The following FAT1 variants were observed in gnomAD, a reference collection of about 807,000 sequenced individuals.
FAT1 encodes FAT atypical cadherin 1, also known as protocadherin Fat 1.
A neutral mutation model predicts 329.8 loss-of-function variants in FAT1; 171 were observed. That is an observed-to-expected ratio of 0.52 (90% CI 0.46 to 0.59). The LOEUF (loss-of-function observed/expected upper bound fraction) is 0.59. FAT1 is among the 20% of genes least tolerant of loss of function. The pLI, the probability that FAT1 is intolerant of heterozygous loss-of-function variation, is 0.00. For synonymous variants in FAT1, 2,233 were observed against 2,228.6 expected, an observed-to-expected ratio of 1.00 and a Z score of -0.06; for missense variants, 5,672 against 5,774.4, an observed-to-expected ratio of 0.98 and a Z score of 0.57.
At chr4:186,686,946 A>C (rs995155709) in intron 2 of FAT1, among the ~76,000 whole-genome samples, 1 of 152,220 alleles carries the variant, frequency 6.6e-6, no homozygotes, top group Non-Finnish European at 1.5e-5. Flanking sequence ...GAAAACGAAA[A>C]ATTCAACTAC....
At chr4:186,679,791 T>A (rs1284450955) in intron 2 of FAT1, among the ~76,000 whole-genome samples, 3 of 152,204 alleles carry the variant, frequency 2.0e-5, no homozygotes, top group African/African-American at 7.2e-5. Context: ...TGCCTTTTCA[T>A]TCAGCAATTT....
In FAT1 at chr4:186,707,905, G is replaced by A. The variant is rs2126692254; in HGVS notation, c.1923C>T (p.His641=). The change falls in exon 2 of 27, where the codon CAC becomes CAT. Residue 641 remains histidine (H), a synonymous_variant. Coordinates refer to ENST00000441802, the MANE Select transcript of FAT1 (RefSeq NM_005245.4). The part of the protein sequence containing the change: ...MDGLGAKVSF[H]SLRITATDGE... ...CATCTGTAGCTGTGATTCTCAGACT[G>A]TGGAAAGACACCTTTGCACCTAAGC... is the stretch of plus-strand genomic sequence containing the variant. 1 of 1,613,936 alleles carries A rather than the reference G, an allele frequency of 6.2e-7. No homozygotes were observed. Among genetic ancestry groups the A allele is most frequent in the Non-Finnish European group, 8.5e-7 (1 of 1,179,894 alleles).
rs1443988443 is a variant in FAT1 at position 186,619,605 on chromosome 4, G to A, written c.6981C>T (p.Ser2327=). The change falls in exon 10 of 27, where the codon AGC becomes AGT. Residue 2327 remains serine (S), a synonymous_variant. Coordinates refer to ENST00000441802, the MANE Select transcript of FAT1 (RefSeq NM_005245.4). ...CTACATGAAAATGATCATGACTCTT[G>A]CTGTGATTCCCAAACATCTGGTATG... ...GISYQMFGNH[S]KSHDHFHVDS... The A allele has an allele frequency of 6.2e-7, 1 of 1,613,808 alleles. No homozygotes were observed. Among genetic ancestry groups the A allele is most frequent in the Non-Finnish European group, 8.5e-7 (1 of 1,179,902 alleles).
At chr4:186,691,771 G>A (rs1351089096) in intron 2 of FAT1, among the ~76,000 whole-genome samples, 1 of 152,158 alleles carries the variant, frequency 6.6e-6, no homozygotes, top group Middle Eastern at 3.4e-3. Flanking sequence ...TTGTGCCACT[G>A]TACTCCAGTC....
chr4:186,663,795 A>G (rs1199375544), intron 2 of FAT1, among the ~76,000 whole-genome samples, 182 bp from the exon 3 acceptor site: 1 of 152,206 alleles, frequency 6.6e-6, no homozygotes, highest in Non-Finnish European at 1.5e-5. Context: ...AGAGACAATA[A>G]TAGTATATTC....
chr4:186,630,292 G>A (rs193094663), intron 7 of FAT1, among the ~76,000 whole-genome samples: 6 of 152,260 alleles, frequency 3.9e-5, no homozygotes, highest in African/African-American at 1.4e-4. Context: ...TACATTTTTG[G>A]TTGGCAGGTG....
At chr4:186,700,680 T>C (rs1744264679) in intron 2 of FAT1, among the ~76,000 whole-genome samples, 1 of 152,152 alleles carries the variant, frequency 6.6e-6, no homozygotes, top group African/African-American at 2.4e-5. Context: ...AGGAGTAAAA[T>C]GCGGTTCTGG....
rs2126702438 is a variant in FAT1 at position 186,709,219 on chromosome 4, C to T, written c.609G>A (p.Val203=). ...AATCAAGTCTACCAGTTAACACTATCACACCACTGGTTGGGTGAATAGCAA... is the reference window on the plus strand; with the variant it reads ...AATCAAGTCTACCAGTTAACACTATTACACCACTGGTTGGGTGAATAGCAA... ...DMFAIHPTSG[V]IVLTGRLDYL... is the part of the protein sequence containing the mutation. Residue 203 remains valine (V), a synonymous_variant, in exon 2 of 27, where the codon GTG becomes GTA. Transcript: ENST00000441802. 1.2e-6 allele frequency: 2 copies of T among 1,614,022 alleles called. No homozygotes were observed. The highest frequency in any genetic ancestry group is 8.5e-7 in the Non-Finnish European group (1 of 1,179,900).
intron 7 of FAT1, among the ~76,000 whole-genome samples, chr4:186,632,146 A>G (rs1002461745): frequency 6.6e-6 from 1 of 152,188 alleles, no homozygotes; most frequent in African/African-American, 2.4e-5. Context: ...AAACTAGAAT[A>G]CACTTCCTGG....
intron 26 of FAT1, among the ~76,000 whole-genome samples, chr4:186,589,838 A>G (rs1738152224): frequency 6.6e-6 from 1 of 152,214 alleles, no homozygotes; most frequent in Admixed American, 6.5e-5. Context: ...AGCCAATGCA[A>G]CTTTTTAAAG....
intron 1 of FAT1, among the ~76,000 whole-genome samples, chr4:186,722,351 T>C (rs961784557): frequency 6.6e-6 from 1 of 152,244 alleles, no homozygotes; most frequent in Non-Finnish European, 1.5e-5. Flanking sequence ...CAAAAAATGG[T>C]TATACAAATG....
At chr4:186,701,054 G>A (rs1453834760) in intron 2 of FAT1, among the ~76,000 whole-genome samples, 3 of 152,170 alleles carry the variant, frequency 2.0e-5, no homozygotes, top group South Asian at 2.1e-4. Flanking sequence ...ACGGTCCCCC[G>A]AGTTCCCATC....
At chr4:186,671,671 C>G (rs1742735264) in intron 2 of FAT1, among the ~76,000 whole-genome samples, 1 of 151,390 alleles carries the variant, frequency 6.6e-6, no homozygotes, top group Non-Finnish European at 1.5e-5. Context: ...GCACTGCAGC[C>G]TGGGCAACAA....
chr4:186,639,438 G>C (rs1385416565), intron 4 of FAT1, among the ~76,000 whole-genome samples: 1 of 152,150 alleles, frequency 6.6e-6, no homozygotes, highest in Non-Finnish European at 1.5e-5. Context: ...ACTGTTTATA[G>C]ATCTGTTCGC....
chr4:186,695,110 CAAT>C (rs1386436759), intron 2 of FAT1, among the ~76,000 whole-genome samples: 1 of 152,188 alleles, frequency 6.6e-6, no homozygotes, highest in Non-Finnish European at 1.5e-5. Flanking sequence ...AGAAATTCAT[CAAT>C]AATGATACTA....
intron 3 of FAT1, among the ~76,000 whole-genome samples, chr4:186,651,055 AATTT>A (rs1302978791): frequency 6.7e-6 from 1 of 149,264 alleles, no homozygotes; most frequent in Non-Finnish European, 1.5e-5. Context: ...ATTATTAAAT[AATTT>A]ATTTATTATT....
Position 186,603,185 on chromosome 4 carries a change from G to A in FAT1, c.11341C>T (p.Leu3781Phe). 2 of 1,613,706 alleles carry A rather than the reference G, an allele frequency of 1.2e-6. No homozygotes were observed. The highest frequency in any genetic ancestry group is 2.2e-5 in the South Asian group (2 of 91,010). Residue 3781 changes from leucine (L) to phenylalanine (F), a missense_variant, in exon 19 of 27, where the codon CTC (leucine) becomes TTC (phenylalanine). By Grantham distance (22) the Leu-to-Phe change is conservative. Transcript: ENST00000441802. ...TPRHHRAAVC[L>F]CKEGRCPPVH... ...CACTCATGTGCAGTACCTTTGCAGA[G>A]ACACACCGCTGCCCTGTGGTGGCGG... is the stretch of plus-strand genomic sequence containing the variant.
chr4:186,702,879 G>T (rs1459383501), intron 2 of FAT1, among the ~76,000 whole-genome samples: 2 of 152,130 alleles, frequency 1.3e-5, no homozygotes, highest in Admixed American at 6.5e-5. Context: ...CCCTGAATGT[G>T]GGATTACACA....
rs768012138 is a variant in FAT1, at chr4:186,623,485, A to T, written c.4811-1710T>A. Among the ~76,000 whole-genome samples the T allele has an allele frequency of 6.6e-5, 10 of 152,162 alleles. 1 individual carries two copies. Among genetic ancestry groups the T allele is most frequent in the Non-Finnish European group, 1.5e-4 (10 of 68,016 alleles). On this transcript the variant is annotated intron_variant, in intron 9 of 26. Coordinates refer to ENST00000441802, the MANE Select transcript of FAT1 (RefSeq NM_005245.4). ...AGACTTCCCTATGTCTGTACTCACCAGCTGACCTACCATATTTTATATTCA... is the reference window on the plus strand; with the variant it reads ...AGACTTCCCTATGTCTGTACTCACCTGCTGACCTACCATATTTTATATTCA...
Sources: allele counts gnomAD v4.1 joint callset (sites outside exome capture counted in the v4.1 genomes callset), GRCh38; gene constraint gnomAD v4.1.1; transcripts MANE v1.5; gene names NCBI Gene and HGNC (gene_info 2026-07-23, HGNC 2026-07-21).